The following ST6GALNAC3 variants were observed in gnomAD, a reference collection of about 807,000 sequenced individuals.
The protein encoded by ST6GALNAC3 is alpha-N-acetylgalactosaminide alpha-2,6-sialyltransferase 3.
Under a neutral mutation model 32.7 loss-of-function variants are expected in ST6GALNAC3, and 25 were observed. That is an observed-to-expected ratio of 0.76 (90% CI 0.56 to 1.07). ST6GALNAC3 has a LOEUF of 1.07. Among genes scored for constraint, ST6GALNAC3 ranks in the 50% least tolerant of loss-of-function variants. The probability of loss-of-function intolerance (pLI) is 0.00; values close to 1 mark genes in which losing one functional copy is unlikely to be tolerated. For synonymous variants in ST6GALNAC3, 129 were observed against 133.1 expected (o/e 0.97, Z 0.21); for missense variants, 355 against 382.4 (o/e 0.93, Z 0.60).
intron 1 of ST6GALNAC3, among the ~76,000 whole-genome samples, chr1:76,251,344 A>C (rs914699746): frequency 6.6e-6 from 1 of 152,268 alleles, no homozygotes; most frequent in African/African-American, 2.4e-5. Flanking sequence ...ATCATTTTTC[A>C]AAACCACAAA....
At chr1:76,456,329 T>G (rs1657787161) in intron 3 of ST6GALNAC3, among the ~76,000 whole-genome samples, 1 of 152,162 alleles carries the variant, frequency 6.6e-6, no homozygotes, top group East Asian at 1.9e-4. Context: ...CTTTTTTCGT[T>G]TTTCTTTTCT....
chr1:76,241,733 T>C (rs1656978255), intron 1 of ST6GALNAC3, among the ~76,000 whole-genome samples: 1 of 152,210 alleles, frequency 6.6e-6, no homozygotes, highest in Non-Finnish European at 1.5e-5. Context: ...AGATGGTTCA[T>C]TAAAATTTAA....
intron 3 of ST6GALNAC3, among the ~76,000 whole-genome samples, chr1:76,525,714 A>G (rs1250558565): frequency 6.7e-6 from 1 of 148,698 alleles, no homozygotes; most frequent in East Asian, 2.0e-4. Context: ...TCATTAAACA[A>G]CTATATATAT....
At chr1:76,182,002 C>G (rs1041205000) in intron 1 of ST6GALNAC3, among the ~76,000 whole-genome samples, 7 of 152,274 alleles carry the variant, frequency 4.6e-5, no homozygotes, top group African/African-American at 1.7e-4. Context: ...CACTGAGTCT[C>G]TCTTATGATG....
intron 3 of ST6GALNAC3, among the ~76,000 whole-genome samples, chr1:76,445,711 A>G (rs1184082410): frequency 6.6e-6 from 1 of 152,028 alleles, no homozygotes; most frequent in Non-Finnish European, 1.5e-5. Flanking sequence ...AATTTCTTTG[A>G]TCTTCTAGTA....
At chr1:76,489,710 G>A (rs528317736) in intron 3 of ST6GALNAC3, among the ~76,000 whole-genome samples, 9 of 152,214 alleles carry the variant, frequency 5.9e-5, no homozygotes, top group South Asian at 4.2e-4. Flanking sequence ...ACTTAGGTGC[G>A]TTCTCCGCCC....
chr1:76,291,156 A>G (rs11162115), intron 1 of ST6GALNAC3, among the ~76,000 whole-genome samples: 54,157 of 152,166 alleles, frequency 0.36, 10,084 homozygotes, highest in Non-Finnish European at 0.41. Flanking sequence ...CCTGGGGCCT[A>G]CTAAATGTTT....
At chr1:76,620,167 C>T (rs1293906742) in intron 3 of ST6GALNAC3, among the ~76,000 whole-genome samples, 4 of 151,894 alleles carry the variant, frequency 2.6e-5, no homozygotes, top group South Asian at 2.1e-4. Context: ...TGAGAGTAAA[C>T]GGAATTGCAG....
chr1:76,435,666 T>A lies in ST6GALNAC3; in HGVS notation c.623+23249T>A, dbSNP rs186278845. Among the ~76,000 whole-genome samples the A allele has an allele frequency of 2.3e-3, 356 of 152,250 alleles. 2 individuals carry two copies. The highest frequency in any genetic ancestry group is 6.8e-3 in the Middle Eastern group (2 of 294). On this transcript the variant is annotated intron_variant, in intron 3 of 4. Transcript: ENST00000328299. ...ACTGTAATTCCCCTAAAATTAATGT[T>A]TCTTTTTTCTTTCTGAAAAAGTAGT...
chr1:76,474,331 T>C (rs1238284919), intron 3 of ST6GALNAC3, among the ~76,000 whole-genome samples: 1 of 152,000 alleles, frequency 6.6e-6, no homozygotes, highest in Non-Finnish European at 1.5e-5. Context: ...CTGGAAAGTA[T>C]AGAGAGAAAG....
chr1:76,378,276 T>C (rs993138432), intron 2 of ST6GALNAC3, among the ~76,000 whole-genome samples: 2 of 152,232 alleles, frequency 1.3e-5, no homozygotes, highest in Non-Finnish European at 2.9e-5. Flanking sequence ...TTTCCTGTCT[T>C]TCTAGGCATC....
intron 1 of ST6GALNAC3, among the ~76,000 whole-genome samples, chr1:76,160,576 C>A (rs1239815634): frequency 6.6e-6 from 1 of 152,176 alleles, no homozygotes; most frequent in Non-Finnish European, 1.5e-5. Context: ...AGGAGGCACC[C>A]ATCTTACTCT....
intron 3 of ST6GALNAC3, among the ~76,000 whole-genome samples, chr1:76,439,944 G>A (rs140058729): frequency 1.9e-4 from 29 of 152,228 alleles, no homozygotes; most frequent in Middle Eastern, 3.4e-3. Flanking sequence ...CTACCTCATA[G>A]GATTGTAGTA....
chr1:76,635,020 A>G (rs61771672), downstream of ST6GALNAC3, among the ~76,000 whole-genome samples: 16,157 of 152,130 alleles, frequency 0.11, 1,212 homozygotes, highest in Admixed American at 0.22. Context: ...ATACTACTAT[A>G]AACAATAACA....
chr1:76,623,815 G>A (rs1027008322), intron 3 of ST6GALNAC3, among the ~76,000 whole-genome samples: 7 of 151,864 alleles, frequency 4.6e-5, no homozygotes, highest in Admixed American at 2.0e-4. Context: ...ACAGCAACTC[G>A]GTAGAGTTTG....
intron 1 of ST6GALNAC3, among the ~76,000 whole-genome samples, chr1:76,305,453 A>G (rs1660991240): frequency 6.6e-6 from 1 of 152,090 alleles, no homozygotes; most frequent in Non-Finnish European, 1.5e-5. Flanking sequence ...TATCATACCA[A>G]GGGTCTGCAC....
rs377241294 is a variant in ST6GALNAC3 at position 76,629,977 on chromosome 1, A to G, written c.*1171A>G. The G allele has an allele frequency of 5.5e-5, 54 of 984,758 alleles. 2 individuals carry two copies. The African/African-American group carries it at 8.2e-4, about 15-fold the overall frequency. The allele number at this position is 984,758 out of a possible 1,614,324, so 61.0% of individuals were successfully genotyped here. ...CATAGTGTATCAGTTGTTATGCCAC[A>G]ATAACAACAATAATAATGTTCTTAA... On this transcript the variant is annotated 3_prime_UTR_variant, in exon 5 of 5. Coordinates refer to ENST00000328299, the MANE Select transcript of ST6GALNAC3 (RefSeq NM_152996.4).
chr1:76,473,619 A>T (rs145508070), intron 3 of ST6GALNAC3, among the ~76,000 whole-genome samples: 1 of 152,294 alleles, frequency 6.6e-6, no homozygotes, highest in African/African-American at 2.4e-5. Flanking sequence ...ATAGTTATAG[A>T]TGGGAAAGTC....
rs1296010580 is a variant in ST6GALNAC3, at chr1:76,631,663, TTATC to T, written c.*2858_*2861del. ...GAACTTACTTATCACTGATGTGTATTTATCCCAGAAATTAATTAATATCTGTGAA... is the reference window on the plus strand; with the variant it reads ...GAACTTACTTATCACTGATGTGTATTCCAGAAATTAATTAATATCTGTGAA... On this transcript the variant is annotated 3_prime_UTR_variant, in exon 5 of 5. Transcript: ENST00000328299. 1.2e-4 allele frequency: 18 copies of T among 152,214 alleles called. No homozygotes were observed. The highest frequency in any genetic ancestry group is 4.3e-4 in the African/African-American group (18 of 41,554). 9.4% of individuals were successfully genotyped at this position (152,214 alleles called of 1,614,324 possible).
Sources: allele counts gnomAD v4.1 joint callset (sites outside exome capture counted in the v4.1 genomes callset), GRCh38; gene constraint gnomAD v4.1.1; transcripts MANE v1.5; gene names NCBI Gene and HGNC (gene_info 2026-07-23, HGNC 2026-07-21).